The following GK5 variants were observed in gnomAD, a reference collection of about 807,000 sequenced individuals.
The protein encoded by GK5 is glycerol kinase 5.
In GK5, 39 loss-of-function variants were observed where a neutral mutation model predicts 77.3. That is an observed-to-expected ratio of 0.50 (90% confidence interval 0.39 to 0.66). The LOEUF is 0.66. GK5 is among the 30% of genes least tolerant of loss of function. GK5 has a pLI of 0.00. For synonymous variants in GK5, 211 were observed against 208.0 expected, an observed-to-expected ratio of 1.01 and a Z score of -0.13; for missense variants, 487 against 633.8, an observed-to-expected ratio of 0.77 and a Z score of 2.49.
chr3:142,192,492 G>A lies in GK5; in HGVS notation c.544-4713C>T, dbSNP rs578000083. Among the ~76,000 whole-genome samples, 6 of 152,258 alleles carry A rather than the reference G, an allele frequency of 3.9e-5. No individual in the cohort carries two copies. In the East Asian group the frequency reaches 7.7e-4, roughly 20 times the overall value. ...ATAGGTAACTGGATAGGCCAGGCAC[G>A]GTGGCTCATGCTTGTAATTCCAGCA... On this transcript the variant is annotated intron_variant, in intron 5 of 15. Transcript: ENST00000392993.
intron 15 of GK5, among the ~76,000 whole-genome samples, chr3:142,167,875 G>T (rs1191505208): frequency 6.6e-6 from 1 of 152,224 alleles, no homozygotes; most frequent in East Asian, 1.9e-4. Context: ...AGCTGGGCAT[G>T]GTGGCGGGTG....
Position 142,213,575 on chromosome 3 carries a change from C to T in GK5, c.268G>A (p.Val90Ile), listed in dbSNP as rs753205134. The change falls in exon 3 of 16, where the codon GTT becomes ATT. Residue 90 changes from valine (V) to isoleucine (I), a missense_variant. Physicochemically the swap from Val to Ile is conservative, Grantham distance 29 (BLOSUM62 3). Around this residue, in one of 4 missense-constraint regions of GK5, gnomAD observed 323 missense variants for 437.4 expected, o/e 0.74. Coordinates refer to ENST00000392993, the MANE Select transcript of GK5 (RefSeq NM_001039547.3). ...CTCTGTGTTGAAATGCCAAGACCAA[C>T]AATTTGATTCATCTGTATTCCTGCA... Reference protein sequence around the residue: ...KAAGIQMNQIVGLGISTQRAT... With the variant: ...KAAGIQMNQIIGLGISTQRAT... 1.9e-6 allele frequency: 3 copies of T among 1,611,564 alleles called. No individual in the cohort carries two copies. In the African/African-American group the frequency reaches 4.0e-5, roughly 22 times the overall value.
intron 10 of GK5, among the ~76,000 whole-genome samples, 154 bp downstream of exon 10, chr3:142,182,769 G>A (rs1309009381): frequency 3.9e-5 from 6 of 151,940 alleles, no homozygotes; most frequent in African/African-American, 9.7e-5. Flanking sequence ...CACTTAAAGG[G>A]AAAAGAAAGG....
At chr3:142,166,520 T>C (rs1216058351) in intron 15 of GK5, among the ~76,000 whole-genome samples, 2 of 152,154 alleles carry the variant, frequency 1.3e-5, no homozygotes, top group African/African-American at 4.8e-5. Flanking sequence ...TCATATGATA[T>C]ATAATAAAAA....
intron 1 of GK5, among the ~76,000 whole-genome samples, chr3:142,223,614 G>T (rs990430512): frequency 6.6e-6 from 1 of 152,216 alleles, no homozygotes; most frequent in Non-Finnish European, 1.5e-5. Flanking sequence ...TGAGGCAGGC[G>T]GTTCACCTGA....
chr3:142,187,632 C>CT (rs1348679357), intron 6 of GK5, 72 bp downstream of exon 6: 3 of 974,874 alleles, frequency 3.1e-6, no homozygotes, highest in East Asian at 2.7e-5. Flanking sequence ...GTAACTTCTA[C>CT]TTTTTTTAGG....
chr3:142,174,502 AT>A (rs747386516), intron 12 of GK5, among the ~76,000 whole-genome samples: 1 of 152,172 alleles, frequency 6.6e-6, no homozygotes, highest in Non-Finnish European at 1.5e-5. Context: ...TTCTTCCAGG[AT>A]ATCACAGAAA....
intron 4 of GK5, among the ~76,000 whole-genome samples, chr3:142,200,562 T>G (rs1016131968): frequency 1.3e-5 from 2 of 152,222 alleles, no homozygotes; most frequent in Admixed American, 6.5e-5. Flanking sequence ...CCCATAAGCC[T>G]TCTTCTGATT....
intron 7 of GK5, 68 bp downstream of exon 7, chr3:142,186,384 T>TA (rs1423272731): frequency 2.8e-6 from 3 of 1,070,100 alleles, no homozygotes; most frequent in Non-Finnish European, 4.1e-6. Context: ...AAACTAATTT[T>TA]AAAAATTTAA....
At chr3:142,196,278 T>C (rs1046723383) in intron 5 of GK5, among the ~76,000 whole-genome samples, 2 of 152,104 alleles carry the variant, frequency 1.3e-5, no homozygotes, top group Non-Finnish European at 2.9e-5. Context: ...TTATTGATTT[T>C]CTTCACTGTT....
At chr3:142,191,907 A>G (rs2063856925) in intron 5 of GK5, among the ~76,000 whole-genome samples, 1 of 152,030 alleles carries the variant, frequency 6.6e-6, no homozygotes, top group African/African-American at 2.4e-5. Context: ...TGGGGCAGGA[A>G]GCTCACTTGA....
At chr3:142,176,950 C>T (rs1013372969) in intron 12 of GK5, among the ~76,000 whole-genome samples, 6 of 151,932 alleles carry the variant, frequency 3.9e-5, no homozygotes, top group African/African-American at 1.4e-4. Context: ...CGTGAGCCAC[C>T]GCGCCCAGCC....
At chr3:142,208,177 C>T (rs2064138222) in intron 3 of GK5, among the ~76,000 whole-genome samples, 1 of 152,096 alleles carries the variant, frequency 6.6e-6, no homozygotes, top group African/African-American at 2.4e-5. Context: ...ACATAGCTTA[C>T]TTATTATTTA....
chr3:142,165,043 T>C lies in GK5; in HGVS notation c.*579A>G, dbSNP rs77148385. 6,847 of 152,716 alleles carry C rather than the reference T, an allele frequency of 0.045. 251 individuals are homozygous for C. The highest frequency in any genetic ancestry group is 0.064 in the Non-Finnish European group (4,375 of 68,004). The allele number at this position is 152,716 out of a possible 1,614,324, so 9.5% of individuals were successfully genotyped here. A position where few individuals can be genotyped will look rare whatever the true frequency, so the allele number is the denominator to read the frequency against. ...TCTTTAAGACCAGTAAAGGAAAGCA[T>C]TAACTATCTCATAAGCTTATCTGAG... On this transcript the variant is annotated 3_prime_UTR_variant, in exon 16 of 16. Coordinates refer to ENST00000392993, the MANE Select transcript of GK5 (RefSeq NM_001039547.3).
chr3:142,207,757 T>C (rs370209162), intron 3 of GK5, among the ~76,000 whole-genome samples: 57 of 152,292 alleles, frequency 3.7e-4, no homozygotes, highest in African/African-American at 1.3e-3. Flanking sequence ...ATCTTGTTTG[T>C]GTCTATTATT....
chr3:142,184,276 A>G (rs1167444671), intron 9 of GK5, among the ~76,000 whole-genome samples: 1 of 149,102 alleles, frequency 6.7e-6, no homozygotes, highest in East Asian at 1.9e-4. Flanking sequence ...AAAAAAAAAA[A>G]AAAAAAAAAA....
intron 1 of GK5, among the ~76,000 whole-genome samples, chr3:142,222,724 G>C (rs2064369778): frequency 6.6e-6 from 1 of 152,096 alleles, no homozygotes; most frequent in Non-Finnish European, 1.5e-5. Flanking sequence ...AGTGAACTGT[G>C]ATCAGGCCAC....
intron 11 of GK5, among the ~76,000 whole-genome samples, chr3:142,178,280 A>G (rs2063648745): frequency 6.6e-6 from 1 of 152,194 alleles, no homozygotes; most frequent in Admixed American, 6.5e-5. Flanking sequence ...AGTATCATCT[A>G]CCTGTAATAT....
rs1364877456 is a variant in GK5, at chr3:142,177,538, T to C, written c.1087A>G (p.Lys363Glu). 6.2e-7 allele frequency: 1 copy of C among 1,613,302 alleles called. No individual in the cohort carries two copies. Among genetic ancestry groups the C allele is most frequent in the Admixed American group, 1.7e-5 (1 of 59,934 alleles). ...TDAAETEKMA[K>E]SLEDSEGVCF... ...ACTCCTTCAGAATCCTCCAAACTTT[T>C]GGCCATTTTTTCAGTCTCAGCAGCA... Residue 363 changes from lysine to glutamate, a missense_variant, in exon 12 of 16, where the codon AAA becomes GAA. By Grantham distance (56) the Lys-to-Glu change is moderately conservative (BLOSUM62 1). Transcript: ENST00000392993.
Sources: gnomAD v4.1 joint callset for allele counts (sites outside exome capture counted in the v4.1 genomes callset) on GRCh38, gnomAD v4.1.1 for gene constraint, gnomAD v4.1.1 regional missense constraint, MANE v1.5 for transcripts, NCBI Gene and HGNC (gene_info 2026-07-23, HGNC 2026-07-21) for gene names.